SBF2: variants seen among roughly 807,000 people sequenced by gnomAD.
The protein encoded by SBF2 is SET binding factor 2, also known as myotubularin-related protein 13.
In SBF2, 112 loss-of-function variants were observed where a neutral mutation model predicts 225.2. The ratio of observed to expected loss-of-function variants is 0.50; its 90% CI spans 0.43 to 0.58. SBF2 has a LOEUF of 0.58. SBF2 is among the 20% of genes least tolerant of loss of function. The pLI, the probability that SBF2 is intolerant of heterozygous loss-of-function variation, is 0.00. For missense variants in SBF2, 1,996 were observed against 2,206.2 expected (o/e 0.90, Z 1.91); for synonymous variants, 763 against 773.3 (o/e 0.99, Z 0.22).
chr11:9,918,984 C>T (rs976007735), intron 16 of SBF2, among the ~76,000 whole-genome samples: 1 of 151,964 alleles, frequency 6.6e-6, no homozygotes. Flanking sequence ...CTTTGTGATC[C>T]GCTCGCCTTG....
intron 2 of SBF2, chr11:10,149,251 A>T (rs1049765075): frequency 3.3e-5 from 5 of 152,202 alleles, no homozygotes; most frequent in African/African-American, 1.2e-4. Flanking sequence ...TAATCTGACC[A>T]TTATATCAAT....
chr11:9,989,039 A>T (rs1367740151), intron 13 of SBF2, among the ~76,000 whole-genome samples: 9 of 138,792 alleles, frequency 6.5e-5, no homozygotes, highest in African/African-American at 1.8e-4. Flanking sequence ...AACTGTGCCA[A>T]ATATATATAT....
chr11:9,959,333 C>T (rs561255724), intron 16 of SBF2: 1 of 776,520 alleles, frequency 1.3e-6, no homozygotes, highest in Non-Finnish European at 2.4e-6. Context: ...TTAAGATGGA[C>T]CCTGGGGCTC....
At chr11:10,181,511 T>C (rs539650722) in intron 2 of SBF2, among the ~76,000 whole-genome samples, 37 of 152,250 alleles carry the variant, frequency 2.4e-4, no homozygotes, top group African/African-American at 8.4e-4. Context: ...ACTTAAAGTA[T>C]CTTTAAGAGT....
chr11:9,829,890 C>T (rs532647273), intron 27 of SBF2, among the ~76,000 whole-genome samples: 1 of 152,234 alleles, frequency 6.6e-6, no homozygotes, highest in African/African-American at 2.4e-5. Context: ...CCATCCTGAC[C>T]AGGTTATTGC....
At chr11:9,794,723 A>G (rs981271760) in intron 33 of SBF2, among the ~76,000 whole-genome samples, 3 of 134,696 alleles carry the variant, frequency 2.2e-5, no homozygotes, top group Non-Finnish European at 4.7e-5. Context: ...GGCCTGGGGC[A>G]GTTGTAACCA....
chr11:9,792,177 A>G (rs1428014276), intron 33 of SBF2, among the ~76,000 whole-genome samples: 1 of 152,162 alleles, frequency 6.6e-6, no homozygotes, highest in Non-Finnish European at 1.5e-5. Context: ...CACATCTGTA[A>G]TCCCAGCACT....
chr11:9,846,685 AGAG>A (rs1311023140), intron 23 of SBF2, among the ~76,000 whole-genome samples: 1 of 152,238 alleles, frequency 6.6e-6, no homozygotes, highest in East Asian at 1.9e-4. Context: ...ATAACTTGGC[AGAG>A]AATAAGAACC....
intron 1 of SBF2, among the ~76,000 whole-genome samples, chr11:10,221,552 C>T (rs57138875): frequency 0.036 from 5,437 of 152,174 alleles, 268 homozygotes; most frequent in African/African-American, 0.11. Flanking sequence ...TTAGGGGGCA[C>T]AATCATGGAG....
chr11:10,156,671 G>A (rs192563308), intron 2 of SBF2, among the ~76,000 whole-genome samples: 3 of 152,270 alleles, frequency 2.0e-5, no homozygotes, highest in Admixed American at 1.3e-4. Flanking sequence ...ATTCACAATG[G>A]CCACAAAAAG....
intron 2 of SBF2, among the ~76,000 whole-genome samples, chr11:10,175,833 A>C (rs1956437739): frequency 6.6e-6 from 1 of 152,016 alleles, no homozygotes; most frequent in African/African-American, 2.4e-5. Flanking sequence ...CAGTGCAATC[A>C]AACTAGAACT....
rs1437248353 is a variant in SBF2, at chr11:9,832,807, T to C, written c.3456-387A>G. On this transcript the variant is annotated intron_variant, in intron 26 of 39. Transcript: ENST00000256190. Reference sequence around the variant, plus strand: ...CTTCAGGGATTGAGAAGAAAATCCCTAGATGGTGAAAATAGCTAACTCATC... The same window carrying C: ...CTTCAGGGATTGAGAAGAAAATCCCCAGATGGTGAAAATAGCTAACTCATC... Among the ~76,000 whole-genome samples, 3 of 152,204 alleles carry C rather than the reference T, an allele frequency of 2.0e-5. No homozygotes were observed. In the East Asian group the frequency reaches 5.8e-4, roughly 29 times the overall value.
intron 2 of SBF2, among the ~76,000 whole-genome samples, chr11:10,190,727 G>A (rs970943622): frequency 2.0e-5 from 3 of 152,186 alleles, no homozygotes; most frequent in African/African-American, 7.2e-5. Context: ...ATTATATTGT[G>A]AGCCCATGTG....
chr11:9,968,594 G>A, intron 13 of SBF2, 49 bp from the exon 14 acceptor site: 1 of 1,464,086 alleles, frequency 6.8e-7, no homozygotes, highest in Non-Finnish European at 9.6e-7. Context: ...AATAACAATG[G>A]CAGATCACCA....
chr11:10,084,199 G>C (rs1419455641), intron 2 of SBF2, among the ~76,000 whole-genome samples: 1 of 151,946 alleles, frequency 6.6e-6, no homozygotes, highest in African/African-American at 2.4e-5. Flanking sequence ...AAAGATGTTT[G>C]CCTACATAAC....
chr11:9,795,316 T>G (rs1009635187), intron 33 of SBF2, among the ~76,000 whole-genome samples: 1 of 152,226 alleles, frequency 6.6e-6, no homozygotes, highest in Non-Finnish European at 1.5e-5. Flanking sequence ...TTTTTCCTCA[T>G]GTGATCATCA....
At position 10,239,721 on chromosome 11, in the gene SBF2, C is replaced by G. The variant is rs188073958; in HGVS notation, c.56-45734G>C. 7.8e-4 allele frequency among the ~76,000 whole-genome samples: 114 copies of G among 147,044 alleles called. 1 individual carries two copies. The highest frequency in any genetic ancestry group is 2.7e-3 in the African/African-American group (109 of 40,852). On this transcript the variant is annotated intron_variant, in intron 1 of 39. Transcript: ENST00000256190. ...TTTTTTATTTTACAAAAGACCGTGA[C>G]GTCACAACAATGGTCAAGAGAAAAC...
chr11:10,255,082 G>T (rs562412317), intron 1 of SBF2, among the ~76,000 whole-genome samples: 3 of 152,164 alleles, frequency 2.0e-5, no homozygotes, highest in African/African-American at 7.2e-5. Context: ...GGTTATCAGG[G>T]ACTAGCAGGT....
At chr11:10,059,828 T>G (rs554731777) in intron 2 of SBF2, among the ~76,000 whole-genome samples, 1 of 152,224 alleles carries the variant, frequency 6.6e-6, no homozygotes, top group East Asian at 1.9e-4. Context: ...TTCTTTAAAA[T>G]TAATGACAAC....
Sources: gnomAD v4.1 joint callset for allele counts (sites outside exome capture counted in the v4.1 genomes callset) on GRCh38, gnomAD v4.1.1 for gene constraint, MANE v1.5 for transcripts, NCBI Gene and HGNC (gene_info 2026-07-23, HGNC 2026-07-21) for gene names.